TMEM131: variants seen among roughly 807,000 people sequenced by gnomAD.
TMEM131 encodes transmembrane protein 131, also known as 2610524E03Rik.
In TMEM131, 66 loss-of-function variants were observed where a neutral mutation model predicts 211.6. The ratio of observed to expected loss-of-function variants is 0.31; its 90% CI spans 0.26 to 0.38. The LOEUF is 0.38. Among genes scored for constraint, TMEM131 ranks in the 10% least tolerant of loss-of-function variants. The pLI is 1.00. For synonymous variants in TMEM131, 844 were observed against 841.3 expected, an observed-to-expected ratio of 1.00 and a Z score of -0.06; for missense variants, 2,036 against 2,299.3, an observed-to-expected ratio of 0.89 and a Z score of 2.34.
At chr2:97,797,690 A>G (rs189303617) in intron 25 of TMEM131, among the ~76,000 whole-genome samples, 174 bp from the exon 26 acceptor site, 59 of 152,388 alleles carry the variant, frequency 3.9e-4, no homozygotes, top group Non-Finnish European at 6.2e-4. Flanking sequence ...AGAGTAACCA[A>G]CGATGAGATT....
At chr2:97,933,172 T>C (rs1172010755) in intron 1 of TMEM131, among the ~76,000 whole-genome samples, 1 of 152,136 alleles carries the variant, frequency 6.6e-6, no homozygotes, top group Admixed American at 6.6e-5. Context: ...ACTTAGGATG[T>C]TTTCCACGTT....
chr2:97,842,506 A>T (rs1683244753), intron 6 of TMEM131, among the ~76,000 whole-genome samples: 1 of 98,806 alleles, frequency 1.0e-5, no homozygotes, highest in African/African-American at 4.8e-5. Flanking sequence ...CTGGATACCA[A>T]TAAAAAGATT....
chr2:97,983,461 G>A (rs1017179394), intron 1 of TMEM131, among the ~76,000 whole-genome samples: 16 of 152,076 alleles, frequency 1.1e-4, no homozygotes, highest in Non-Finnish European at 2.1e-4. Flanking sequence ...CTGTCTAGGC[G>A]CCACTAAGGG....
At chr2:97,942,424 A>G (rs1280003751) in intron 1 of TMEM131, among the ~76,000 whole-genome samples, 29 of 151,998 alleles carry the variant, frequency 1.9e-4, no homozygotes, top group Admixed American at 2.6e-4. Context: ...ATGTATACAT[A>G]TGTAACAAAC....
intron 1 of TMEM131, among the ~76,000 whole-genome samples, chr2:97,956,700 T>A (rs1678582320): frequency 6.6e-6 from 1 of 152,194 alleles, no homozygotes; most frequent in Non-Finnish European, 1.5e-5. Flanking sequence ...ATTTTTTTTT[T>A]ACTACTAAAC....
At chr2:97,849,897 ATTAACT>A (rs1673538386) in intron 5 of TMEM131, among the ~76,000 whole-genome samples, 1 of 152,052 alleles carries the variant, frequency 6.6e-6, no homozygotes, top group Non-Finnish European at 1.5e-5. Context: ...TTAAAGCCAA[ATTAACT>A]TTAAAACAAC....
chr2:97,933,921 T>C (rs991059866), intron 1 of TMEM131, among the ~76,000 whole-genome samples: 2 of 152,040 alleles, frequency 1.3e-5, no homozygotes, highest in Non-Finnish European at 2.9e-5. Context: ...CTAGGTAATA[T>C]CCTTCTTACC....
intron 11 of TMEM131, among the ~76,000 whole-genome samples, chr2:97,828,060 A>C (rs959071308): frequency 5.9e-5 from 9 of 152,248 alleles, no homozygotes; most frequent in Middle Eastern, 3.4e-3. Flanking sequence ...TTTCCTAATA[A>C]CTTTGTTACT....
At chr2:97,977,760 T>C (rs1403406853) in intron 1 of TMEM131, among the ~76,000 whole-genome samples, 1 of 152,130 alleles carries the variant, frequency 6.6e-6, no homozygotes, top group East Asian at 1.9e-4. Context: ...AGGATAATGG[T>C]TGCTGAAGGG....
At chr2:97,794,612 G>C (rs1680674412) in intron 29 of TMEM131, among the ~76,000 whole-genome samples, 3 of 152,180 alleles carry the variant, frequency 2.0e-5, no homozygotes, top group Admixed American at 1.3e-4. Context: ...GTTTCAAGTG[G>C]CCTAGGTACT....
intron 1 of TMEM131, among the ~76,000 whole-genome samples, chr2:97,983,230 C>T (rs1257698795): frequency 2.6e-5 from 4 of 152,158 alleles, no homozygotes; most frequent in Admixed American, 6.5e-5. Flanking sequence ...CTCATAATGA[C>T]GGTCTCAGAC....
chr2:97,853,200 T>C (rs1204383954), intron 5 of TMEM131, among the ~76,000 whole-genome samples: 1 of 152,168 alleles, frequency 6.6e-6, no homozygotes, highest in Non-Finnish European at 1.5e-5. Flanking sequence ...AGAAATACAC[T>C]GCTTAAGGCT....
intron 1 of TMEM131, among the ~76,000 whole-genome samples, chr2:97,938,285 T>A: frequency 6.6e-6 from 1 of 151,964 alleles, no homozygotes; most frequent in East Asian, 1.9e-4. Context: ...AGGAAACCCA[T>A]CTCACCTGCA....
chr2:97,837,397 T>C (rs933895430), intron 7 of TMEM131, among the ~76,000 whole-genome samples: 2 of 152,224 alleles, frequency 1.3e-5, no homozygotes, highest in African/African-American at 2.4e-5. Flanking sequence ...GTAAGTACCA[T>C]AGTTGTTCCA....
At chr2:97,989,383 T>G (rs1327414844) in intron 1 of TMEM131, among the ~76,000 whole-genome samples, 2 of 152,090 alleles carry the variant, frequency 1.3e-5, no homozygotes, top group Non-Finnish European at 2.9e-5. Flanking sequence ...ATTATTCTAC[T>G]TATATGAAGT....
chr2:97,865,900 T>C (rs1674250512), intron 4 of TMEM131, among the ~76,000 whole-genome samples: 1 of 152,164 alleles, frequency 6.6e-6, no homozygotes, highest in African/African-American at 2.4e-5. Flanking sequence ...TGTTTTGTTT[T>C]GAGATGGAGT....
At chr2:97,818,831 G>C in intron 11 of TMEM131, 110 bp from the exon 12 acceptor site, 1 of 673,986 alleles carries the variant, frequency 1.5e-6, no homozygotes, top group African/African-American at 1.8e-5. Flanking sequence ...CTCTAAATTT[G>C]AAAAGTTTAA....
In TMEM131 at chr2:97,795,012, G is replaced by T; in HGVS notation, c.3304C>A (p.His1102Asn). 6.2e-7 allele frequency: 1 copy of T among 1,613,732 alleles called. No homozygotes were observed. Among genetic ancestry groups the T allele is most frequent in the Non-Finnish European group, 8.5e-7 (1 of 1,179,720 alleles). ...GCTTCTGCACAGGTTGCTAACATAT[G>T]GTAAGGAAGGGATGCATTCAATATA... ...VFILNASLPY[H>N]MLATCAEALP... is the part of the protein sequence containing the mutation. The change falls in exon 29 of 41, where the codon CAT (histidine) becomes AAT (asparagine). Residue 1102 changes from histidine (H) to asparagine (N), a missense_variant. This residue lies in a region of TMEM131 where 1,623 missense variants were observed against 1,805.9 expected (regional missense o/e 0.90). Transcript: ENST00000186436.
chr2:97,963,640 G>A (rs1678916684), intron 1 of TMEM131, among the ~76,000 whole-genome samples: 1 of 152,178 alleles, frequency 6.6e-6, no homozygotes, highest in Non-Finnish European at 1.5e-5. Context: ...GCTTGAACCA[G>A]GGAGACGGAG....
Sources: allele counts gnomAD v4.1 joint callset (sites outside exome capture counted in the v4.1 genomes callset), GRCh38; gene constraint gnomAD v4.1.1; regional missense constraint gnomAD v4.1.1; transcripts MANE v1.5; gene names NCBI Gene and HGNC (gene_info 2026-07-23, HGNC 2026-07-21).